CA10: variants seen among roughly 807,000 people sequenced by gnomAD.
The protein encoded by CA10 is carbonic anhydrase 10 (inactive).
CA10 carries 14 observed loss-of-function variants against 44.2 expected under a neutral mutation model. The ratio of observed to expected loss-of-function variants is 0.32; its 90% CI spans 0.21 to 0.50. CA10 has a LOEUF of 0.50. CA10 is among the 20% of genes least tolerant of loss of function. CA10 has a pLI of 0.99. For missense variants in CA10, 350 were observed against 409.7 expected (o/e 0.85, Z 1.26); for synonymous variants, 159 against 141.6 (o/e 1.12, Z -0.87).
chr17:51,955,057 C>T lies in CA10; in HGVS notation c.137-23925G>A, dbSNP rs184147640. On this transcript the variant is annotated intron_variant, in intron 2 of 8. Coordinates refer to ENST00000451037, the MANE Select transcript of CA10 (RefSeq NM_020178.5). ...CTGCATCTCATTTTTAAAAATAGCC[C>T]GGCTCTTGGGTGGAGTATTTGATGG... Among the ~76,000 whole-genome samples, 318 of 152,142 alleles carry T rather than the reference C, an allele frequency of 2.1e-3. 1 individual carries two copies. The highest frequency in any genetic ancestry group is 7.0e-3 in the African/African-American group (292 of 41,516).
chr17:51,712,905 G>T lies in CA10; in HGVS notation c.465+34728C>A, dbSNP rs980673002. Among the ~76,000 whole-genome samples, 32 of 152,362 alleles carry T rather than the reference G, an allele frequency of 2.1e-4. 1 individual carries two copies. The highest frequency in any genetic ancestry group is 7.7e-4 in the African/African-American group (32 of 41,584). Reference sequence around the variant, plus strand: ...CCTTCCATAAAGGCAGGAGGAGGGTGAGTGTCTTTGTCTGCACAGGACACA... The same window carrying T: ...CCTTCCATAAAGGCAGGAGGAGGGTTAGTGTCTTTGTCTGCACAGGACACA... On this transcript the variant is annotated intron_variant, in intron 4 of 8. Transcript: ENST00000451037.
intron 2 of CA10, among the ~76,000 whole-genome samples, chr17:52,053,426 T>C (rs1363152768): frequency 1.3e-5 from 2 of 151,858 alleles, no homozygotes; most frequent in Non-Finnish European, 2.9e-5. Flanking sequence ...AAGAAAACTT[T>C]TAAAAAGTTC....
At chr17:51,915,500 T>C (rs1035898439) in intron 3 of CA10, among the ~76,000 whole-genome samples, 1 of 152,228 alleles carries the variant, frequency 6.6e-6, no homozygotes, top group African/African-American at 2.4e-5. Context: ...ACAATTCTTT[T>C]AATTTTATAT....
intron 3 of CA10, among the ~76,000 whole-genome samples, chr17:51,799,460 A>G (rs1425610991): frequency 1.3e-5 from 2 of 152,098 alleles, no homozygotes; most frequent in African/African-American, 4.8e-5. Context: ...TGTTGGGATG[A>G]TGGGGCAACT....
intron 6 of CA10, among the ~76,000 whole-genome samples, chr17:51,648,810 T>C (rs1050233399): frequency 2.0e-5 from 3 of 152,120 alleles, no homozygotes; most frequent in African/African-American, 4.8e-5. Context: ...AATGTTGCGA[T>C]TGGATCCATA....
At chr17:51,728,639 G>T (rs1598012941) in intron 4 of CA10, among the ~76,000 whole-genome samples, 1 of 152,178 alleles carries the variant, frequency 6.6e-6, no homozygotes, top group Non-Finnish European at 1.5e-5. Flanking sequence ...TCGCATCAGA[G>T]GTACCCAATA....
At chr17:51,738,605 C>G (rs1481687835) in intron 4 of CA10, among the ~76,000 whole-genome samples, 2 of 152,172 alleles carry the variant, frequency 1.3e-5, no homozygotes, top group Admixed American at 1.3e-4. Flanking sequence ...GGTCTTTTCT[C>G]AGGGGTGATT....
chr17:51,783,432 C>T (rs1239839696), intron 3 of CA10, among the ~76,000 whole-genome samples: 1 of 152,114 alleles, frequency 6.6e-6, no homozygotes. Flanking sequence ...AAACTAGCAA[C>T]CACTGTCTAC....
intron 3 of CA10, among the ~76,000 whole-genome samples, chr17:51,841,726 G>A (rs1161125534): frequency 6.6e-6 from 1 of 152,184 alleles, no homozygotes; most frequent in East Asian, 1.9e-4. Context: ...TTGGCAAAAA[G>A]AGCAGAAAAC....
chr17:51,917,667 A>G (rs1054740462), intron 3 of CA10, among the ~76,000 whole-genome samples: 2 of 152,196 alleles, frequency 1.3e-5, no homozygotes, highest in Non-Finnish European at 2.9e-5. Context: ...AAGATGCCAC[A>G]CATTTTTAAA....
intron 3 of CA10, among the ~76,000 whole-genome samples, chr17:51,837,565 A>T (rs2143797800): frequency 6.6e-6 from 1 of 152,340 alleles, no homozygotes; most frequent in African/African-American, 2.4e-5. Context: ...ATTGGAAACC[A>T]GGCCTCCTTT....
chr17:51,889,567 T>C (rs569916435), intron 3 of CA10, among the ~76,000 whole-genome samples: 3 of 151,430 alleles, frequency 2.0e-5, no homozygotes, highest in Admixed American at 6.6e-5. Flanking sequence ...CAAAACAAAA[T>C]AAAATAAAAA....
chr17:51,724,207 C>G (rs938616822), intron 4 of CA10, among the ~76,000 whole-genome samples: 3 of 152,114 alleles, frequency 2.0e-5, no homozygotes, highest in Non-Finnish European at 4.4e-5. Context: ...GCAGACACAC[C>G]CATTCTCATG....
intron 3 of CA10, among the ~76,000 whole-genome samples, chr17:51,780,086 T>C (rs1348168461): frequency 1.3e-5 from 2 of 152,254 alleles, no homozygotes; most frequent in Non-Finnish European, 2.9e-5. Flanking sequence ...AAATAGATTC[T>C]AGAGTGTAAT....
At chr17:51,746,945 C>T (rs1904709978) in intron 4 of CA10, among the ~76,000 whole-genome samples, 2 of 152,186 alleles carry the variant, frequency 1.3e-5, no homozygotes, top group Admixed American at 6.5e-5. Flanking sequence ...CTGTAAGGAC[C>T]CCTGATCTCT....
chr17:52,123,680 A>G (rs891855273), intron 1 of CA10, among the ~76,000 whole-genome samples: 21 of 152,214 alleles, frequency 1.4e-4, no homozygotes, highest in African/African-American at 1.9e-4. Context: ...AAGTTTTTCA[A>G]GATTATCTAC....
At chr17:51,901,058 G>A (rs1169070162) in intron 3 of CA10, among the ~76,000 whole-genome samples, 1 of 152,162 alleles carries the variant, frequency 6.6e-6, no homozygotes, top group African/African-American at 2.4e-5. Context: ...GAGAACCAGT[G>A]CAGTTGTTTG....
intron 3 of CA10, among the ~76,000 whole-genome samples, chr17:51,835,266 CA>C (rs1396698023): frequency 6.6e-6 from 1 of 152,104 alleles, no homozygotes; most frequent in African/African-American, 2.4e-5. Context: ...CAAGGTGGGG[CA>C]GATGCTTTCA....
chr17:51,927,838 G>T (rs1982493348), intron 3 of CA10, among the ~76,000 whole-genome samples: 1 of 152,098 alleles, frequency 6.6e-6, no homozygotes, highest in South Asian at 2.1e-4. Flanking sequence ...AAACCACAAA[G>T]AATTATCTCC....
Sources: allele counts gnomAD v4.1 joint callset (sites outside exome capture counted in the v4.1 genomes callset), GRCh38; gene constraint gnomAD v4.1.1; transcripts MANE v1.5; gene names NCBI Gene and HGNC (gene_info 2026-07-23, HGNC 2026-07-21).